Variants in CELF2 observed in about 807,000 individuals in gnomAD.
CELF2 encodes the protein CUGBP Elav-like family member 2, also known as CUG triplet repeat RNA-binding protein 2.
CELF2 carries 8 observed loss-of-function variants against 62.6 expected under a neutral mutation model. That is an observed-to-expected ratio of 0.13 (90% confidence interval 0.07 to 0.23). The LOEUF (loss-of-function observed/expected upper bound fraction) is 0.23, where lower values mean the gene tolerates loss of function less well. Among genes scored for constraint, CELF2 ranks in the 10% least tolerant of loss-of-function variants. The probability of loss-of-function intolerance (pLI) is 1.00; values close to 1 mark genes in which losing one functional copy is unlikely to be tolerated. For synonymous variants in CELF2, 258 were observed against 250.0 expected (o/e 1.03, Z -0.30); for missense variants, 333 against 671.0 (o/e 0.50, Z 5.56).
the CELF2 span, among the ~76,000 whole-genome samples, chr10:10,705,307 G>C: frequency 6.6e-6 from 1 of 150,878 alleles, no homozygotes; most frequent in Non-Finnish European, 1.5e-5. Flanking sequence ...CTCTGTGCGT[G>C]TGTGAGTCCC....
intron 1 of CELF2, among the ~76,000 whole-genome samples, chr10:10,849,950 G>C (rs1385471370): frequency 1.3e-5 from 2 of 151,818 alleles, no homozygotes; most frequent in African/African-American, 4.8e-5. Flanking sequence ...AGACCAGCCT[G>C]GCCAAAATAG....
chr10:11,108,968 G>A (rs11256981), intron 1 of CELF2, among the ~76,000 whole-genome samples: 48,873 of 152,022 alleles, frequency 0.32, 9,473 homozygotes, highest in East Asian at 0.75. Context: ...ACATCTTCCA[G>A]TTTTGTCTAC....
the CELF2 span, among the ~76,000 whole-genome samples, chr10:10,499,320 C>A: frequency 6.6e-6 from 1 of 152,106 alleles, no homozygotes; most frequent in South Asian, 2.1e-4. Flanking sequence ...CCTGTCTCAG[C>A]CTCCCGAAGT....
At chr10:11,109,284 A>G (rs1329559265) in intron 1 of CELF2, among the ~76,000 whole-genome samples, 1 of 152,118 alleles carries the variant, frequency 6.6e-6, no homozygotes, top group African/African-American at 2.4e-5. Context: ...CTACCTTTAT[A>G]TGTAACAAGT....
intron 2 of CELF2, among the ~76,000 whole-genome samples, chr10:11,186,296 C>CTTTTTTTTTTTTTT (rs57327671): frequency 2.3e-4 from 27 of 115,494 alleles, no homozygotes; most frequent in East Asian, 1.0e-3. Flanking sequence ...GGTTTTGTTG[C>CTTTTTTTTTTTTTT]TTTTTTTTTT....
At position 10,990,122 on chromosome 10, in the gene CELF2, G is replaced by A. The variant is rs182284803; in HGVS notation, c.89+70123G>A. Among the ~76,000 whole-genome samples, 8 of 152,164 alleles carry A rather than the reference G, an allele frequency of 5.3e-5. No individual in the cohort carries two copies. In the East Asian group the frequency reaches 9.6e-4, roughly 18 times the overall value. On this transcript the variant is annotated intron_variant, in intron 2 of 13. Transcript: ENST00000636488. This position sits in a 1 kb window ranked among gnomAD's most constrained non-coding sequence, Gnocchi z 4.6. ...CATTCACAAGAATTTTCATCTCAAT[G>A]CTATATATAAAAGTAAACATTTATA...
rs2067110668 is a variant in CELF2, at chr10:11,227,722, C to A, written c.354+10215C>A. 6.6e-6 allele frequency among the ~76,000 whole-genome samples: 1 copy of A among 152,182 alleles called. No individual in the cohort carries two copies. The highest frequency in any genetic ancestry group is 2.4e-5 in the African/African-American group (1 of 41,446). On this transcript the variant is annotated intron_variant, in intron 3 of 12. Transcript: ENST00000633077. The surrounding 1 kb of genome is among the most constrained non-coding windows in gnomAD (Gnocchi z 4.8). ...CTCATGATGTCATGGTGGCCTCTGG[C>A]AGCTTGGGTTAGACCAGGTGGTTAT...
rs145332567 is a variant in CELF2, at chr10:10,809,946, C to T, written c.53+11129C>T. On this transcript the variant is annotated intron_variant, in intron 1 of 13. Transcript: ENST00000636488. ...TTTTTATTGAACCAACAATATTAAA[C>T]TAATCTTACCAAGAATTTACTCAAA... Among the ~76,000 whole-genome samples the T allele has an allele frequency of 5.9e-5, 9 of 152,238 alleles. No individual in the cohort carries two copies. In the East Asian group the frequency reaches 1.7e-3, roughly 29 times the overall value.
the CELF2 span, among the ~76,000 whole-genome samples, chr10:10,695,318 A>G: frequency 1.4e-5 from 2 of 143,512 alleles, no homozygotes. Flanking sequence ...TTTCTTTAAG[A>G]ATGTTGAATA....
chr10:11,182,708 G>C (rs1162288599), intron 2 of CELF2, among the ~76,000 whole-genome samples: 1 of 152,174 alleles, frequency 6.6e-6, no homozygotes, highest in African/African-American at 2.4e-5. Flanking sequence ...CTTTTAATTA[G>C]ACATTCTGCC....
chr10:11,018,550 G>A (rs1036653181), intron 1 of CELF2, among the ~76,000 whole-genome samples: 3 of 151,402 alleles, frequency 2.0e-5, no homozygotes, highest in African/African-American at 7.3e-5. Context: ...GCGGCGTCCC[G>A]GGGTCCGGGC....
chr10:10,877,091 C>T (rs1365864065), intron 1 of CELF2, among the ~76,000 whole-genome samples: 2 of 152,236 alleles, frequency 1.3e-5, no homozygotes, highest in African/African-American at 2.4e-5. Context: ...AGGTGAGCAA[C>T]TAATGTAGAC....
the CELF2 span, among the ~76,000 whole-genome samples, chr10:10,693,843 G>T: frequency 1.3e-5 from 2 of 151,756 alleles, no homozygotes; most frequent in African/African-American, 2.4e-5. Context: ...TATTTCCGTG[G>T]GATCAGTAGT....
At chr10:10,527,720 A>G in the CELF2 span, among the ~76,000 whole-genome samples, 1 of 152,198 alleles carries the variant, frequency 6.6e-6, no homozygotes, top group East Asian at 1.9e-4. Context: ...AGGTGACAAC[A>G]GTTCTTTATG....
intron 3 of CELF2, among the ~76,000 whole-genome samples, chr10:11,228,327 T>C (rs1172508177): frequency 6.6e-6 from 1 of 152,194 alleles, no homozygotes; most frequent in African/African-American, 2.4e-5. Flanking sequence ...ATACTTGATC[T>C]CACATAAAAA....
At chr10:10,885,365 G>T (rs1386832501) in intron 1 of CELF2, among the ~76,000 whole-genome samples, 1 of 151,882 alleles carries the variant, frequency 6.6e-6, no homozygotes, top group African/African-American at 2.4e-5. Context: ...AATGGTAGAT[G>T]TTTGTTTTTA....
intron 1 of CELF2, among the ~76,000 whole-genome samples, chr10:11,060,937 C>G (rs1395124389): frequency 6.6e-6 from 1 of 152,206 alleles, no homozygotes; most frequent in African/African-American, 2.4e-5. Flanking sequence ...TCTCCCTCCA[C>G]TTGGGCTTTT....
chr10:10,994,974 A>T (rs80331194), intron 2 of CELF2, among the ~76,000 whole-genome samples: 72 of 152,190 alleles, frequency 4.7e-4, no homozygotes, highest in African/African-American at 1.7e-3. Context: ...AGAGTCTCCC[A>T]AGTCCTGTCT....
the CELF2 span, among the ~76,000 whole-genome samples, chr10:10,761,499 C>A: frequency 6.6e-6 from 1 of 152,166 alleles, no homozygotes; most frequent in Non-Finnish European, 1.5e-5. Flanking sequence ...AAATATTATT[C>A]TGGGTGTTCC....
Sources: allele counts gnomAD v4.1 joint callset (sites outside exome capture counted in the v4.1 genomes callset), GRCh38; gene constraint gnomAD v4.1.1; non-coding constraint Gnocchi (gnomAD v3.1); transcripts MANE v1.5; gene names NCBI Gene and HGNC (gene_info 2026-07-23, HGNC 2026-07-21).